Variants in CREBBP observed in about 807,000 individuals in gnomAD.
CREBBP encodes CREB-binding protein.
CREBBP carries 19 observed loss-of-function variants against 265.0 expected under a neutral mutation model. That is an observed-to-expected ratio of 0.07 (90% confidence interval 0.05 to 0.11). The LOEUF (loss-of-function observed/expected upper bound fraction) is 0.11. Ranked by LOEUF, CREBBP falls within the 10% of genes least tolerant of loss-of-function variation. The pLI is 1.00. For synonymous variants in CREBBP, 1,457 were observed against 1,223.7 expected (o/e 1.19, Z -3.98); for missense variants, 2,525 against 3,219.0 (o/e 0.78, Z 5.22).
intron 2 of CREBBP, among the ~76,000 whole-genome samples, chr16:3,849,961 G>A (rs987730242): frequency 6.6e-6 from 1 of 151,936 alleles, no homozygotes; most frequent in African/African-American, 2.4e-5. Flanking sequence ...TCACTGGATG[G>A]CCACAGAGGA....
Position 3,729,255 on chromosome 16 carries a change from G to A in CREBBP, c.5792C>T (p.Thr1931Ile), listed in dbSNP as rs2151308226. 1.3e-6 allele frequency: 2 copies of A among 1,529,236 alleles called. No individual in the cohort carries two copies. The highest frequency in any genetic ancestry group is 1.8e-6 in the Non-Finnish European group (2 of 1,142,786). The allele number at this position is 1,529,236 out of a possible 1,614,324, so 94.7% of individuals were successfully genotyped here. A position where few individuals can be genotyped will look rare whatever the true frequency, so the allele number is the denominator to read the frequency against. Residue 1931 changes from threonine to isoleucine, a missense_variant, in exon 31 of 31, where the codon ACC becomes ATC. Around this residue, in one of 19 missense-constraint regions of CREBBP, gnomAD observed 275 missense variants for 276.5 expected, o/e 0.99. Coordinates refer to ENST00000262367, the MANE Select transcript of CREBBP (RefSeq NM_004380.3). ...GGTAGGCTTCCCTGTGGACACCGTG[G>A]TGGGGGGCTGAGTCCGGGCCACGCT... ...FPSVARTQPP[T>I]TVSTGKPTSQ...
intron 3 of CREBBP, among the ~76,000 whole-genome samples, chr16:3,799,254 T>A (rs2053666747): frequency 6.6e-6 from 1 of 152,236 alleles, no homozygotes; most frequent in East Asian, 1.9e-4. Context: ...TGGTGATGGT[T>A]ACACAATATA....
chr16:3,831,588 A>C (rs2054343287), intron 2 of CREBBP, among the ~76,000 whole-genome samples: 1 of 152,238 alleles, frequency 6.6e-6, no homozygotes, highest in South Asian at 2.1e-4. Flanking sequence ...GGCTGACAAC[A>C]ACAAAAGCTG....
intron 30 of CREBBP, 125 bp from the exon 31 acceptor site, chr16:3,729,999 C>A (rs1467326616): frequency 1.3e-6 from 2 of 1,494,186 alleles, no homozygotes; most frequent in African/African-American, 1.4e-5. Context: ...GATAGGAGAC[C>A]CAGACAGGAT....
chr16:3,767,306 T>C (rs1216048949), intron 16 of CREBBP: 1 of 213,476 alleles, frequency 4.7e-6, no homozygotes, highest in Non-Finnish European at 9.5e-6. Flanking sequence ...AGTCACCCTG[T>C]GCTGTCATAA....
chr16:3,769,613 T>C (rs2052949430), intron 14 of CREBBP, among the ~76,000 whole-genome samples: 1 of 152,202 alleles, frequency 6.6e-6, no homozygotes, highest in South Asian at 2.1e-4. Context: ...CATAAATTTA[T>C]TTTCTCGAAG....
chr16:3,753,820 C>T (rs369921831), intron 19 of CREBBP, among the ~76,000 whole-genome samples: 4 of 152,134 alleles, frequency 2.6e-5, no homozygotes, highest in Admixed American at 6.5e-5. Context: ...CAATCAAACA[C>T]GCAGAACTAT....
chr16:3,801,290 G>T (rs1210780822), intron 3 of CREBBP, among the ~76,000 whole-genome samples: 1 of 152,182 alleles, frequency 6.6e-6, no homozygotes, highest in Non-Finnish European at 1.5e-5. Context: ...TCAAATAAAT[G>T]CCTATGTCTC....
At chr16:3,790,914 C>A (rs1401852942) in intron 5 of CREBBP, among the ~76,000 whole-genome samples, 1 of 152,150 alleles carries the variant, frequency 6.6e-6, no homozygotes, top group Non-Finnish European at 1.5e-5. Context: ...TTTCCCTGGG[C>A]CACTCAGAAA....
intron 25 of CREBBP, 145 bp downstream of exon 25, chr16:3,739,433 C>CT: frequency 1.1e-6 from 1 of 934,532 alleles, no homozygotes; most frequent in Non-Finnish European, 1.6e-6. Context: ...GAAAACAAAA[C>CT]TAACTACTTT....
Position 3,809,070 on chromosome 16 carries a change from A to G in CREBBP, c.975+1533T>C, listed in dbSNP as rs140029115. On this transcript the variant is annotated intron_variant, in intron 3 of 30. Coordinates refer to ENST00000262367, the MANE Select transcript of CREBBP (RefSeq NM_004380.3). The stretch of plus-strand genomic sequence containing the variant: ...AAAAAGTTATTGGAAAGAAAGAAGC[A>G]TATCAAGGAAAGTTACAAGGGGATT... Among the ~76,000 whole-genome samples, 108 of 152,334 alleles carry G rather than the reference A, an allele frequency of 7.1e-4. 1 individual carries two copies. Among genetic ancestry groups the G allele is most frequent in the African/African-American group, 2.3e-3 (97 of 41,576 alleles).
chr16:3,872,886 T>C (rs2055329231), intron 1 of CREBBP, among the ~76,000 whole-genome samples: 1 of 152,244 alleles, frequency 6.6e-6, no homozygotes, highest in Non-Finnish European at 1.5e-5. Flanking sequence ...CCAAGGCTCC[T>C]CAACCATCCC....
Position 3,770,748 on chromosome 16 carries a change from G to A in CREBBP, c.2702C>T (p.Pro901Leu), listed in dbSNP as rs1485287458. The change falls in exon 14 of 31, where the codon CCG (proline) becomes CTG (leucine). Residue 901 changes from proline to leucine, a missense_variant. Coordinates refer to ENST00000262367, the MANE Select transcript of CREBBP (RefSeq NM_004380.3). ...AGCACTGGGCACTGAGCCAGGAGTC[G>A]GGGTGGGAGTCTGCCCGGAAGACGA... is the stretch of plus-strand genomic sequence containing the variant. ...PVSSSGQTPT[P>L]TPGSVPSATQ... The A allele has an allele frequency of 2.4e-5, 38 of 1,613,980 alleles. No homozygotes were observed. Among genetic ancestry groups the A allele is most frequent in the South Asian group, 3.3e-5 (3 of 91,082 alleles).
chr16:3,797,034 A>AT (rs1336605293), intron 3 of CREBBP, among the ~76,000 whole-genome samples: 1 of 152,206 alleles, frequency 6.6e-6, no homozygotes, highest in Non-Finnish European at 1.5e-5. Context: ...TCAATGAGCC[A>AT]TGAGAGTTAG....
chr16:3,870,198 A>T (rs148903435), intron 1 of CREBBP, among the ~76,000 whole-genome samples: 1 of 152,322 alleles, frequency 6.6e-6, no homozygotes, highest in East Asian at 1.9e-4. Context: ...AATCTCCATT[A>T]AAAGAATTTC....
chr16:3,780,174 G>A (rs1229804107), intron 8 of CREBBP, among the ~76,000 whole-genome samples: 2 of 150,666 alleles, frequency 1.3e-5, no homozygotes, highest in African/African-American at 4.9e-5. Context: ...CCTGGGAGGC[G>A]GAGGTTGCAG....
At position 3,769,495 on chromosome 16, in the gene CREBBP, CAG is replaced by C. The variant is rs573721735; in HGVS notation, c.2881-144_2881-143del. The C allele has an allele frequency of 1.1e-3, 1,164 of 1,034,104 alleles. 4 individuals are homozygous for C. The highest frequency in any genetic ancestry group is 2.1e-3 in the Admixed American group (107 of 50,432). 64.1% of individuals were successfully genotyped at this position (1,034,104 alleles called of 1,614,324 possible). Reference sequence around the variant, plus strand: ...GGTGCCCTTCTGTGAAACCGAAGAACAGGGGTTAAAGTAGGAATGAGTTCTAG... The same window carrying C: ...GGTGCCCTTCTGTGAAACCGAAGAACGGGTTAAAGTAGGAATGAGTTCTAG... On this transcript the variant is annotated intron_variant, in intron 14 of 30. Transcript: ENST00000262367.
At chr16:3,776,925 G>A (rs1037332059) in intron 11 of CREBBP, among the ~76,000 whole-genome samples, 8 of 152,164 alleles carry the variant, frequency 5.3e-5, no homozygotes, top group Non-Finnish European at 1.0e-4. Flanking sequence ...GGCTGAGGCA[G>A]GAGAATGGCA....
At chr16:3,840,212 G>A (rs955324611) in intron 2 of CREBBP, among the ~76,000 whole-genome samples, 1 of 152,176 alleles carries the variant, frequency 6.6e-6, no homozygotes, top group African/African-American at 2.4e-5. Flanking sequence ...GTGAAAAAGT[G>A]AAAAGCAACA....
Sources: allele counts gnomAD v4.1 joint callset (sites outside exome capture counted in the v4.1 genomes callset), GRCh38; gene constraint gnomAD v4.1.1; regional missense constraint gnomAD v4.1.1; transcripts MANE v1.5; gene names NCBI Gene and HGNC (gene_info 2026-07-23, HGNC 2026-07-21).